The following PRRC2B variants were observed in gnomAD, a reference collection of about 807,000 sequenced individuals.
The protein encoded by PRRC2B is protein PRRC2B.
In PRRC2B, 68 loss-of-function variants were observed where a neutral mutation model predicts 242.3. The observed-to-expected ratio is 0.28, with a 90% CI of 0.23 to 0.34. PRRC2B has a LOEUF of 0.34. Among genes scored for constraint, PRRC2B ranks in the 10% least tolerant of loss-of-function variants. The probability of loss-of-function intolerance (pLI) is 1.00; values close to 1 mark genes in which losing one functional copy is unlikely to be tolerated. For synonymous variants in PRRC2B, 1,228 were observed against 1,173.6 expected, an observed-to-expected ratio of 1.05 and a Z score of -0.95; for missense variants, 2,835 against 2,954.8, an observed-to-expected ratio of 0.96 and a Z score of 0.94.
chr9:131,420,842 G>A (rs183640158), intron 1 of PRRC2B, among the ~76,000 whole-genome samples: 101 of 152,008 alleles, frequency 6.6e-4, no homozygotes, highest in African/African-American at 2.4e-3. Context: ...GGTGTGGTGG[G>A]GGTTGGGTTA....
In PRRC2B at chr9:131,495,762, A is replaced by G. The variant is rs747623555; in HGVS notation, c.6578A>G (p.Lys2193Arg). The change falls in exon 32 of 32, where the codon AAA becomes AGA. Residue 2193 changes from lysine to arginine, a missense_variant. Transcript: ENST00000683519. ...VQQAKQRVDE[K>R]PSLGAVKLQE... ...AAGGCAAAACAACGAGTGGATGAGAAACCCAGCCTGGGAGCCGTGAAGCTG... is the reference window on the plus strand; with the variant it reads ...AAGGCAAAACAACGAGTGGATGAGAGACCCAGCCTGGGAGCCGTGAAGCTG... 6.2e-7 allele frequency: 1 copy of G among 1,612,158 alleles called. No homozygotes were observed. Among genetic ancestry groups the G allele is most frequent in the South Asian group, 1.1e-5 (1 of 91,060 alleles).
Position 131,400,324 on chromosome 9 carries a change from T to C in PRRC2B, c.-52+6061T>C, listed in dbSNP as rs376301406. Among the ~76,000 whole-genome samples the C allele has an allele frequency of 2.0e-5, 3 of 151,768 alleles. No homozygotes were observed. The East Asian group carries it at 5.8e-4, about 29-fold the overall frequency. ...CTGTTTGTTTTTCTTTTCTTTTCTT[T>C]CTTTTTTTTTTTGAGATGGCATCTT... is the stretch of plus-strand genomic sequence containing the variant. On this transcript the variant is annotated intron_variant, in intron 1 of 31. Coordinates refer to ENST00000683519, the MANE Select transcript of PRRC2B (RefSeq NM_013318.4).
chr9:131,459,100 C>T, intron 10 of PRRC2B, 64 bp from the exon 11 acceptor site: 1 of 1,456,796 alleles, frequency 6.9e-7, no homozygotes, highest in South Asian at 1.2e-5. Flanking sequence ...AGGCCTCTGA[C>T]CAGTGAGATC....
At chr9:131,387,433 C>A (rs1260423466) in intron 1 of PRRC2B, among the ~76,000 whole-genome samples, 2 of 150,290 alleles carry the variant, frequency 1.3e-5, no homozygotes, top group Non-Finnish European at 3.0e-5. Context: ...TTTGGCAACA[C>A]CCTCACAGAC....
chr9:131,456,324 G>T (rs1325146517), intron 10 of PRRC2B, among the ~76,000 whole-genome samples: 2 of 150,102 alleles, frequency 1.3e-5, no homozygotes. Flanking sequence ...AATGTTAGTA[G>T]CACTTTTAAA....
At chr9:131,489,783 C>T (rs927418932) in intron 28 of PRRC2B, among the ~76,000 whole-genome samples, 5 of 152,286 alleles carry the variant, frequency 3.3e-5, no homozygotes, top group African/African-American at 1.2e-4. Context: ...CCCTCTCTTT[C>T]ATGCATCAGA....
chr9:131,470,841 C>G lies in PRRC2B; in HGVS notation c.1965C>G (p.His655Gln). The G allele has an allele frequency of 6.2e-7, 1 of 1,610,440 alleles. No homozygotes were observed. The highest frequency in any genetic ancestry group is 8.5e-7 in the Non-Finnish European group (1 of 1,177,390). ...HWQPVYPPPS[H>Q]PQRTFYPHHP... ...AGCCGGTGTACCCCCCGCCGTCCCACCCCCAGCGCACCTTTTACCCACACC... is the reference window on the plus strand; with the variant it reads ...AGCCGGTGTACCCCCCGCCGTCCCAGCCCCAGCGCACCTTTTACCCACACC... The change falls in exon 14 of 32, where the codon CAC (histidine) becomes CAG (glutamine). Residue 655 changes from histidine (H) to glutamine (Q), a missense_variant. This residue lies in a region of PRRC2B where 1,536 missense variants were observed against 1,483.1 expected (regional missense o/e 1.04). Transcript: ENST00000683519.
intron 1 of PRRC2B, among the ~76,000 whole-genome samples, chr9:131,413,723 G>A (rs1351605620): frequency 6.6e-6 from 1 of 152,068 alleles, no homozygotes; most frequent in Non-Finnish European, 1.5e-5. Flanking sequence ...CTAGGCTGGA[G>A]TGCAGCGGTG....
chr9:131,406,445 G>A (rs890061431), intron 1 of PRRC2B, among the ~76,000 whole-genome samples: 8 of 152,192 alleles, frequency 5.3e-5, no homozygotes, highest in African/African-American at 1.7e-4. Flanking sequence ...AGGTAGGCAT[G>A]TTAAGGCAGT....
chr9:131,420,496 T>TCTTTCTTTCTTTCTTTCTTC (rs59621148), intron 1 of PRRC2B, among the ~76,000 whole-genome samples: 1 of 75,898 alleles, frequency 1.3e-5, no homozygotes, highest in African/African-American at 5.3e-5. Flanking sequence ...TTTCTTTCTT[T>TCTTTCTTTCTTTCTTTCTTC]TTTTTTTTTT....
At position 131,465,018 on chromosome 9, in the gene PRRC2B, C is replaced by T; in HGVS notation, c.1660C>T (p.Pro554Ser). The T allele has an allele frequency of 6.2e-7, 1 of 1,613,928 alleles. No homozygotes were observed. Among genetic ancestry groups the T allele is most frequent in the East Asian group, 2.2e-5 (1 of 44,878 alleles). The stretch of plus-strand genomic sequence containing the variant: ...CCGGAAGCAGGCAGAGAAGGAAGTG[C>T]CCTGGTCTCCAAGTGCTGAGAAGGC... ...EARKQAEKEV[P>S]WSPSAEKASP... The change falls in exon 12 of 32, where the codon CCC becomes TCC. Residue 554 changes from proline (P) to serine (S), a missense_variant. Around this residue, in one of 7 missense-constraint regions of PRRC2B, gnomAD observed 1,536 missense variants for 1,483.1 expected, o/e 1.04. Transcript: ENST00000683519.
In PRRC2B at chr9:131,375,989, C is replaced by T. The variant is rs540419401; in HGVS notation, c.-56+2258C>T. Among the ~76,000 whole-genome samples, 31 of 137,292 alleles carry T rather than the reference C, an allele frequency of 2.3e-4. No homozygotes were observed. The South Asian group carries it at 6.2e-3, about 27-fold the overall frequency. 90.1% of individuals were successfully genotyped at this position (137,292 alleles called of 152,430 possible). On this transcript the variant is annotated intron_variant, in intron 1 of 1. Transcript: ENST00000682525. The stretch of plus-strand genomic sequence containing the variant: ...ACTTGAACCCAGGAGGCGGAGGTTG[C>T]GGTGAGCTGAGATCTCGCCACTGCA...
At chr9:131,469,335 A>AAAAAT (rs142692277) in intron 13 of PRRC2B, among the ~76,000 whole-genome samples, 2 of 152,026 alleles carry the variant, frequency 1.3e-5, no homozygotes, top group Non-Finnish European at 2.9e-5. Flanking sequence ...CTCCATCTCA[A>AAAAAT]AAAATAAAAT....
At chr9:131,395,600 G>A (rs1436899238) in intron 1 of PRRC2B, among the ~76,000 whole-genome samples, 1 of 152,174 alleles carries the variant, frequency 6.6e-6, no homozygotes, top group African/African-American at 2.4e-5. Context: ...ACAGTTAGTG[G>A]TTCCTCCTAC....
chr9:131,456,344 C>G (rs1943076158), intron 10 of PRRC2B, among the ~76,000 whole-genome samples: 1 of 151,604 alleles, frequency 6.6e-6, no homozygotes, highest in African/African-American at 2.4e-5. Flanking sequence ...AATAATACCC[C>G]ACAATGGCCA....
At chr9:131,445,959 G>A (rs1373391569) in intron 6 of PRRC2B, among the ~76,000 whole-genome samples, 1 of 152,208 alleles carries the variant, frequency 6.6e-6, no homozygotes, top group Non-Finnish European at 1.5e-5. Flanking sequence ...ATTAAAAGGT[G>A]CCACTGCTAA....
At chr9:131,396,563 T>A (rs1837064737) in intron 1 of PRRC2B, among the ~76,000 whole-genome samples, 1 of 152,002 alleles carries the variant, frequency 6.6e-6, no homozygotes, top group Admixed American at 6.6e-5. Flanking sequence ...CGACTTCAGG[T>A]GATTTGCCTG....
intron 9 of PRRC2B, among the ~76,000 whole-genome samples, chr9:131,448,695 A>G (rs1389651897): frequency 1.3e-5 from 2 of 151,710 alleles, no homozygotes; most frequent in Non-Finnish European, 2.9e-5. Flanking sequence ...AGCTGGAACT[A>G]CACGCGGGTG....
intron 1 of PRRC2B, among the ~76,000 whole-genome samples, chr9:131,429,568 C>T (rs1838068908): frequency 6.6e-6 from 1 of 152,098 alleles, no homozygotes; most frequent in Non-Finnish European, 1.5e-5. Flanking sequence ...AGTGTATATA[C>T]TTGATTATTT....
Sources: gnomAD v4.1 joint callset for allele counts (sites outside exome capture counted in the v4.1 genomes callset) on GRCh38, gnomAD v4.1.1 for gene constraint, gnomAD v4.1.1 regional missense constraint, MANE v1.5 for transcripts, NCBI Gene and HGNC (gene_info 2026-07-23, HGNC 2026-07-21) for gene names.